The following COL10A1 variants were observed in gnomAD, a reference collection of about 807,000 sequenced individuals.
COL10A1 encodes the protein collagen type X alpha 1 chain.
A neutral mutation model predicts 18.2 loss-of-function variants in COL10A1; 10 were observed. The observed-to-expected ratio is 0.55, with a 90% confidence interval of 0.34 to 0.93. COL10A1 has a LOEUF of 0.93. Among genes scored for constraint, COL10A1 ranks in the 40% least tolerant of loss-of-function variants. COL10A1 has a pLI of 0.02. For missense variants in COL10A1, 897 were observed against 853.5 expected (o/e 1.05, Z -0.64); for synonymous variants, 330 against 316.6 (o/e 1.04, Z -0.45).
chr6:116,155,444 A>G (rs557928484), intron 1 of COL10A1, among the ~76,000 whole-genome samples: 1 of 152,298 alleles, frequency 6.6e-6, no homozygotes, highest in South Asian at 2.1e-4. Flanking sequence ...CTAGAGGACC[A>G]TTGTGAATTA....
rs146705616 is a variant in COL10A1, at chr6:116,122,672, G to A, written c.155-711C>T. Among the ~76,000 whole-genome samples the A allele has an allele frequency of 3.0e-3, 458 of 152,324 alleles. 2 individuals are homozygous for A. Among genetic ancestry groups the A allele is most frequent in the African/African-American group, 1.0e-2 (414 of 41,576 alleles). On this transcript the variant is annotated intron_variant, in intron 2 of 2. Transcript: ENST00000651968. The stretch of plus-strand genomic sequence containing the variant: ...AACTAAAAATCATAGTGCCTGTGAT[G>A]TGAAAAATGCGGCTGGGCCACAAGT...
At chr6:116,147,717 C>T (rs1042959126) in intron 1 of COL10A1, among the ~76,000 whole-genome samples, 4 of 151,984 alleles carry the variant, frequency 2.6e-5, no homozygotes, top group African/African-American at 9.7e-5. Context: ...GCACATTCAC[C>T]CAAGAATTAT....
At chr6:116,162,101 G>A (rs953052037), upstream of COL10A1, among the ~76,000 whole-genome samples, 1 of 152,088 alleles carries the variant, frequency 6.6e-6, no homozygotes, top group Admixed American at 6.6e-5. Context: ...GTATAGAAAT[G>A]CAACTGATTA....
upstream of COL10A1, among the ~76,000 whole-genome samples, chr6:116,129,727 A>G (rs1779416829): frequency 3.3e-5 from 5 of 152,190 alleles, no homozygotes; most frequent in Admixed American, 2.6e-4. Flanking sequence ...GTAGTGTAAA[A>G]TGGACTAAAC....
At chr6:116,198,468 GCTTA>G in the COL10A1 span, among the ~76,000 whole-genome samples, 1 of 151,956 alleles carries the variant, frequency 6.6e-6, no homozygotes, top group Non-Finnish European at 1.5e-5. Context: ...AGTGACTCAT[GCTTA>G]TAATACCAGC....
At chr6:116,146,020 A>C (rs1344019273) in intron 1 of COL10A1, among the ~76,000 whole-genome samples, 2 of 152,248 alleles carry the variant, frequency 1.3e-5, no homozygotes, top group African/African-American at 4.8e-5. Flanking sequence ...CCACAGAAGT[A>C]AAAGGATGTC....
At chr6:116,163,630 C>T (rs1017314880), upstream of COL10A1, among the ~76,000 whole-genome samples, 1 of 151,978 alleles carries the variant, frequency 6.6e-6, no homozygotes, top group African/African-American at 2.4e-5. Flanking sequence ...TAGTTCTGCT[C>T]TGATCTTTAT....
At chr6:116,124,816 G>T (rs1779243697) in intron 2 of COL10A1, among the ~76,000 whole-genome samples, 1 of 152,118 alleles carries the variant, frequency 6.6e-6, no homozygotes, top group Non-Finnish European at 1.5e-5. Context: ...TCATTTGCCT[G>T]CTTGGCAATT....
chr6:116,174,724 C>G, the COL10A1 span, among the ~76,000 whole-genome samples: 44 of 152,230 alleles, frequency 2.9e-4, no homozygotes, highest in African/African-American at 1.0e-3. Context: ...CATAACTTTT[C>G]TGAATTTGTA....
chr6:116,191,081 T>G, the COL10A1 span, among the ~76,000 whole-genome samples: 1 of 151,990 alleles, frequency 6.6e-6, no homozygotes, highest in Non-Finnish European at 1.5e-5. Context: ...CACCCGAGTC[T>G]CTGAACTCCT....
intron 1 of COL10A1, among the ~76,000 whole-genome samples, chr6:116,155,846 G>A (rs1463643366): frequency 6.6e-6 from 1 of 151,594 alleles, no homozygotes; most frequent in Non-Finnish European, 1.5e-5. Context: ...CAGATACAGA[G>A]CTTATACATT....
upstream of COL10A1, among the ~76,000 whole-genome samples, chr6:116,159,810 A>G (rs1371172158): frequency 3.9e-5 from 6 of 152,000 alleles, no homozygotes; most frequent in African/African-American, 9.7e-5. Flanking sequence ...CCCAATATCT[A>G]TTATTTCCAT....
intron 1 of COL10A1, among the ~76,000 whole-genome samples, chr6:116,139,765 T>G (rs888458827): frequency 2.0e-5 from 3 of 152,160 alleles, no homozygotes; most frequent in African/African-American, 7.2e-5. Flanking sequence ...GTTTTTTGCT[T>G]AAAAGGCATT....
In COL10A1 at chr6:116,121,771, T is replaced by C; in HGVS notation, c.345A>G (p.Gly115=). The change falls in exon 3 of 3, where the codon GGA becomes GGG. Residue 115 remains glycine (G), a synonymous_variant. Transcript: ENST00000651968. ...CATATGGTCCTCTCTCTCCTGGTTT[T>C]CCTGGGAGTCCTGGCACACCTGGTT... ...VGKPGVPGLP[G]KPGERGPYGP... is the part of the protein sequence containing the mutation. 1.9e-6 allele frequency: 3 copies of C among 1,613,836 alleles called. No individual in the cohort carries two copies. Among genetic ancestry groups the C allele is most frequent in the Non-Finnish European group, 2.5e-6 (3 of 1,179,932 alleles).
chr6:116,168,271 T>G, the COL10A1 span, among the ~76,000 whole-genome samples: 1 of 152,032 alleles, frequency 6.6e-6, no homozygotes, highest in South Asian at 2.1e-4. Context: ...TCATTTATGA[T>G]CTTTCACCTT....
intron 1 of COL10A1, among the ~76,000 whole-genome samples, chr6:116,157,051 C>A (rs937639936): frequency 2.6e-5 from 4 of 152,166 alleles, no homozygotes; most frequent in Non-Finnish European, 1.5e-5. Flanking sequence ...TGCCTCCCTT[C>A]CACCAAATAG....
chr6:116,154,208 C>T (rs1484449378), intron 1 of COL10A1, among the ~76,000 whole-genome samples: 1 of 151,854 alleles, frequency 6.6e-6, no homozygotes, highest in African/African-American at 2.4e-5. Flanking sequence ...AGTGTAAACA[C>T]TTAATTAAAA....
chr6:116,141,885 AACAC>A (rs3051942), intron 1 of COL10A1, among the ~76,000 whole-genome samples: 7,131 of 140,308 alleles, frequency 0.051, 216 homozygotes, highest in African/African-American at 0.094. Flanking sequence ...CCAAAAAGAA[AACAC>A]ACACACACAC....
the COL10A1 span, among the ~76,000 whole-genome samples, chr6:116,186,438 G>A: frequency 6.6e-6 from 1 of 151,806 alleles, no homozygotes; most frequent in Non-Finnish European, 1.5e-5. Context: ...GCAAGGCTGG[G>A]GAAGTTGTCC....
Sources: gnomAD v4.1 joint callset for allele counts (sites outside exome capture counted in the v4.1 genomes callset) on GRCh38, gnomAD v4.1.1 for gene constraint, MANE v1.5 for transcripts, NCBI Gene and HGNC (gene_info 2026-07-23, HGNC 2026-07-21) for gene names.